RAP1GDS1: variants seen among roughly 807,000 people sequenced by gnomAD.
RAP1GDS1 encodes the protein Rap1 GTPase-GDP dissociation stimulator 1.
Under a neutral mutation model 71.1 loss-of-function variants are expected in RAP1GDS1, and 35 were observed. That is an observed-to-expected ratio of 0.49 (90% CI 0.38 to 0.65). The LOEUF (loss-of-function observed/expected upper bound fraction) is 0.65. RAP1GDS1 is among the 30% of genes least tolerant of loss of function. The pLI, the probability that RAP1GDS1 is intolerant of heterozygous loss-of-function variation, is 0.00. For synonymous variants in RAP1GDS1, 229 were observed against 243.1 expected (o/e 0.94, Z 0.54); for missense variants, 663 against 706.1 (o/e 0.94, Z 0.69).
At chr4:98,416,572 G>T (rs566486923) in intron 7 of RAP1GDS1, among the ~76,000 whole-genome samples, 173 bp from the exon 8 acceptor site, 1 of 151,346 alleles carries the variant, frequency 6.6e-6, no homozygotes, top group Non-Finnish European at 1.5e-5. Context: ...GGATGGTCTC[G>T]ATCTCCTGAC....
At chr4:98,377,859 A>G (rs926290672) in intron 4 of RAP1GDS1, among the ~76,000 whole-genome samples, 5 of 151,850 alleles carry the variant, frequency 3.3e-5, no homozygotes, top group African/African-American at 9.7e-5. Flanking sequence ...ACAGTGTGGT[A>G]GCTACTAGCC....
At chr4:98,440,647 A>C (rs1199854184) in intron 14 of RAP1GDS1, among the ~76,000 whole-genome samples, 2 of 152,174 alleles carry the variant, frequency 1.3e-5, no homozygotes, top group Non-Finnish European at 2.9e-5. Flanking sequence ...TCTTCTTTGG[A>C]GAAATGTCTA....
intron 12 of RAP1GDS1, among the ~76,000 whole-genome samples, chr4:98,425,798 C>T (rs865979412): frequency 4.6e-5 from 7 of 152,112 alleles, no homozygotes; most frequent in South Asian, 4.1e-4. Context: ...ACTCCACTGA[C>T]AGCATTAAAG....
chr4:98,284,695 T>G (rs972889974), intron 1 of RAP1GDS1, among the ~76,000 whole-genome samples: 2 of 152,164 alleles, frequency 1.3e-5, no homozygotes, highest in Non-Finnish European at 2.9e-5. Context: ...CTTTCCTAGC[T>G]TAGGTCATAA....
chr4:98,368,003 C>T (rs1227542090), intron 4 of RAP1GDS1, among the ~76,000 whole-genome samples: 6 of 151,792 alleles, frequency 4.0e-5, no homozygotes, highest in Admixed American at 6.6e-5. Flanking sequence ...TGGGAGGGGC[C>T]GGGGGTGGAA....
chr4:98,328,761 C>T (rs1024207333), intron 2 of RAP1GDS1, among the ~76,000 whole-genome samples: 2 of 152,194 alleles, frequency 1.3e-5, no homozygotes, highest in African/African-American at 4.8e-5. Context: ...GAGCTCACTG[C>T]AACCTCCACG....
intron 12 of RAP1GDS1, among the ~76,000 whole-genome samples, chr4:98,428,420 C>T (rs1749926738): frequency 2.6e-5 from 4 of 152,154 alleles, no homozygotes; most frequent in Admixed American, 2.0e-4. Flanking sequence ...AGACAACCCA[C>T]AGAGTGGAAG....
intron 2 of RAP1GDS1, among the ~76,000 whole-genome samples, chr4:98,304,102 G>C (rs1431313878): frequency 6.6e-6 from 1 of 152,116 alleles, no homozygotes; most frequent in Non-Finnish European, 1.5e-5. Flanking sequence ...ATCATTGATG[G>C]GCATTTGGGT....
In RAP1GDS1 at chr4:98,437,324, T is replaced by A. The variant is rs73832304; in HGVS notation, c.1696+256T>A. Among the ~76,000 whole-genome samples the A allele has an allele frequency of 3.8e-3, 585 of 152,306 alleles. 6 individuals carry two copies. Among genetic ancestry groups the A allele is most frequent in the African/African-American group, 0.013 (560 of 41,570 alleles). On this transcript the variant is annotated intron_variant, in intron 14 of 14. Coordinates refer to ENST00000408927, the MANE Select transcript of RAP1GDS1 (RefSeq NM_001100427.2). ...TCTAGCCATCCAACTGTATAATAGA[T>A]AGAATTACTTTTCACTGAAGACATT... is the stretch of plus-strand genomic sequence containing the variant.
intron 7 of RAP1GDS1, among the ~76,000 whole-genome samples, chr4:98,411,747 G>A (rs1036306057): frequency 2.0e-5 from 3 of 152,060 alleles, no homozygotes; most frequent in Admixed American, 6.6e-5. Flanking sequence ...CTTGTTTTTG[G>A]ACTAATTCTT....
rs770519660 is a variant in RAP1GDS1 at position 98,436,079 on chromosome 4, AATATATATAT to A, written c.1568-850_1568-841del. Among the ~76,000 whole-genome samples the A allele has an allele frequency of 9.6e-3, 1,368 of 143,142 alleles. 21 individuals are homozygous for A. Among genetic ancestry groups the A allele is most frequent in the African/African-American group, 0.034 (1,299 of 38,230 alleles). 93.9% of individuals were successfully genotyped at this position (143,142 alleles called of 152,430 possible). A position where few individuals can be genotyped will look rare whatever the true frequency, so the allele number is the denominator to read the frequency against. On this transcript the variant is annotated intron_variant, in intron 13 of 14. Transcript: ENST00000408927. ...GAGCCAGACGCTGTCTCAAAAAAAA[AATATATATAT>A]ATATATATATCGGTATAAGGTACGA...
intron 4 of RAP1GDS1, among the ~76,000 whole-genome samples, chr4:98,367,279 A>G (rs1427727941): frequency 6.6e-6 from 1 of 152,164 alleles, no homozygotes; most frequent in Non-Finnish European, 1.5e-5. Context: ...CTGCGAGTGC[A>G]CAGAAGTCAA....
At chr4:98,359,032 G>C (rs1352502551) in intron 4 of RAP1GDS1, among the ~76,000 whole-genome samples, 1 of 152,056 alleles carries the variant, frequency 6.6e-6, no homozygotes, top group East Asian at 1.9e-4. Flanking sequence ...GAGGTGGGAG[G>C]TGGGGGCAGC....
intron 2 of RAP1GDS1, among the ~76,000 whole-genome samples, chr4:98,302,616 C>T (rs1267374081): frequency 6.6e-6 from 1 of 152,016 alleles, no homozygotes; most frequent in African/African-American, 2.4e-5. Flanking sequence ...TTTGAAAGGG[C>T]CCACCATATA....
At chr4:98,326,053 A>C (rs1022859009) in intron 2 of RAP1GDS1, among the ~76,000 whole-genome samples, 4 of 152,188 alleles carry the variant, frequency 2.6e-5, no homozygotes, top group Non-Finnish European at 5.9e-5. Context: ...CTTTTCTCAA[A>C]GTGTCTCATC....
chr4:98,423,630 C>T (rs924881576), intron 12 of RAP1GDS1, among the ~76,000 whole-genome samples: 1 of 152,140 alleles, frequency 6.6e-6, no homozygotes, highest in Admixed American at 6.5e-5. Flanking sequence ...CTGTAACCTC[C>T]GCCTCCCGGG....
At chr4:98,386,110 G>A (rs750364470) in intron 5 of RAP1GDS1, among the ~76,000 whole-genome samples, 9 of 151,154 alleles carry the variant, frequency 6.0e-5, no homozygotes, top group Non-Finnish European at 8.9e-5. Flanking sequence ...AGATGAAAGC[G>A]TAGAGTTTTC....
chr4:98,439,796 T>C (rs985985396), intron 14 of RAP1GDS1, among the ~76,000 whole-genome samples: 6 of 152,258 alleles, frequency 3.9e-5, no homozygotes, highest in Non-Finnish European at 7.3e-5. Context: ...TTTGAGTCTC[T>C]TCCATTTGTT....
At chr4:98,291,035 A>C (rs1231867280) in intron 1 of RAP1GDS1, among the ~76,000 whole-genome samples, 1 of 152,168 alleles carries the variant, frequency 6.6e-6, no homozygotes, top group African/African-American at 2.4e-5. Flanking sequence ...GTGTTTCAGA[A>C]ATGGAAAAAC....
Sources: gnomAD v4.1 joint callset for allele counts (sites outside exome capture counted in the v4.1 genomes callset) on GRCh38, gnomAD v4.1.1 for gene constraint, MANE v1.5 for transcripts, NCBI Gene and HGNC (gene_info 2026-07-23, HGNC 2026-07-21) for gene names.